The following SNTG1 variants were observed in gnomAD, a reference collection of about 807,000 sequenced individuals.
SNTG1 encodes the protein syntrophin gamma 1.
A neutral mutation model predicts 74.7 loss-of-function variants in SNTG1; 39 were observed. That is an observed-to-expected ratio of 0.52 (90% CI 0.40 to 0.68). SNTG1 has a LOEUF of 0.68. Among genes scored for constraint, SNTG1 ranks in the 30% least tolerant of loss-of-function variants. The pLI is 0.00. For missense variants in SNTG1, 685 were observed against 609.5 expected, an observed-to-expected ratio of 1.12 and a Z score of -1.30; for synonymous variants, 254 against 217.1, an observed-to-expected ratio of 1.17 and a Z score of -1.49.
At chr8:50,775,567 C>T (rs1343090669) in intron 18 of SNTG1, among the ~76,000 whole-genome samples, 1 of 151,570 alleles carries the variant, frequency 6.6e-6, no homozygotes, top group Non-Finnish European at 1.5e-5. Context: ...TCTACAGAAA[C>T]TTGCAAATAA....
At chr8:50,021,543 T>C (rs531418943) in intron 1 of SNTG1, among the ~76,000 whole-genome samples, 4 of 152,292 alleles carry the variant, frequency 2.6e-5, no homozygotes, top group African/African-American at 7.2e-5. Flanking sequence ...ATGAGAACTC[T>C]GGGAACTCTA....
intron 1 of SNTG1, among the ~76,000 whole-genome samples, chr8:49,940,929 A>G (rs1309001801): frequency 6.6e-6 from 1 of 152,186 alleles, no homozygotes; most frequent in Non-Finnish European, 1.5e-5. Context: ...TTCTAAGTTT[A>G]AAAAACTTTA....
At chr8:50,757,321 G>A (rs1228184823) in intron 18 of SNTG1, among the ~76,000 whole-genome samples, 1 of 151,716 alleles carries the variant, frequency 6.6e-6, no homozygotes, top group Non-Finnish European at 1.5e-5. Flanking sequence ...ATTTCTTCTT[G>A]AAGTTCTGTC....
At chr8:50,293,403 C>CTTTTTTTTTTTTTTTTT (rs11349774) in intron 2 of SNTG1, among the ~76,000 whole-genome samples, 3 of 135,648 alleles carry the variant, frequency 2.2e-5, no homozygotes, top group Non-Finnish European at 4.8e-5. Flanking sequence ...TAGTAGGCTT[C>CTTTTTTTTTTTTTTTTT]TTTTTTTTTT....
In SNTG1 at chr8:50,241,350, A is replaced by T. The variant is rs577852568; in HGVS notation, c.-28+68715A>T. Among the ~76,000 whole-genome samples, 79 of 152,328 alleles carry T rather than the reference A, an allele frequency of 5.2e-4. 1 individual carries two copies. In the South Asian group the frequency reaches 0.016, roughly 31 times the overall value. The stretch of plus-strand genomic sequence containing the variant: ...TGCCATCAGAGAGATACTTTGAGAA[A>T]GACAAGTTCAGACTGAATGTTACTA... On this transcript the variant is annotated intron_variant, in intron 2 of 18. Transcript: ENST00000642720.
intron 8 of SNTG1, among the ~76,000 whole-genome samples, chr8:50,469,601 G>T (rs762409433): frequency 8.5e-5 from 13 of 152,142 alleles, no homozygotes; most frequent in Admixed American, 2.0e-4. Flanking sequence ...TCACCTTAAG[G>T]CCTTTGTCCT....
At chr8:50,665,285 C>A (rs1281754221) in intron 15 of SNTG1, among the ~76,000 whole-genome samples, 3 of 151,830 alleles carry the variant, frequency 2.0e-5, no homozygotes, top group East Asian at 1.9e-4. Flanking sequence ...GAAATAGGAG[C>A]CTTATTTCTC....
At chr8:50,260,090 T>C (rs2087106423) in intron 2 of SNTG1, among the ~76,000 whole-genome samples, 1 of 152,132 alleles carries the variant, frequency 6.6e-6, no homozygotes. Flanking sequence ...TGTTTTGAAA[T>C]ACACCTGGGA....
chr8:50,227,911 AAAC>A (rs1471526483), intron 2 of SNTG1, among the ~76,000 whole-genome samples: 1 of 113,902 alleles, frequency 8.8e-6, no homozygotes, highest in African/African-American at 2.9e-5. Flanking sequence ...AAAATGACAT[AAAC>A]AACAACCAAA....
Position 50,792,820 on chromosome 8 carries a change from T to C in SNTG1, c.1545T>C (p.Tyr515=), listed in dbSNP as rs558513653. 95 of 1,611,596 alleles carry C rather than the reference T, an allele frequency of 5.9e-5. No homozygotes were observed. In the South Asian group the frequency reaches 9.8e-4, roughly 17 times the overall value. The stretch of plus-strand genomic sequence containing the variant: ...CTGCTACCACGAGCAAAGCAAAGTA[T>C]ACAACTTGACATACTGAACTCTTCA... The part of the protein sequence containing the change: ...ASSATTSKAK[Y]TT Residue 515 remains tyrosine, a synonymous_variant, in exon 19 of 19, where the codon TAT becomes TAC. Transcript: ENST00000642720.
chr8:50,298,403 G>A (rs1176862434), intron 2 of SNTG1, among the ~76,000 whole-genome samples: 1 of 152,090 alleles, frequency 6.6e-6, no homozygotes, highest in Non-Finnish European at 1.5e-5. Context: ...GCACTCTCAA[G>A]AAGAGTGAGG....
At chr8:50,391,931 A>G (rs926086623) in intron 2 of SNTG1, among the ~76,000 whole-genome samples, 3 of 152,140 alleles carry the variant, frequency 2.0e-5, no homozygotes, top group Non-Finnish European at 4.4e-5. Flanking sequence ...CAAATTCCTT[A>G]CCAGCATGCT....
intron 12 of SNTG1, among the ~76,000 whole-genome samples, chr8:50,577,797 G>A (rs1306345059): frequency 2.6e-5 from 4 of 152,108 alleles, no homozygotes; most frequent in Non-Finnish European, 1.5e-5. Context: ...CATTGACAAA[G>A]TAGAAAATGA....
intron 1 of SNTG1, among the ~76,000 whole-genome samples, chr8:49,967,755 G>GA (rs1206522242): frequency 6.6e-6 from 1 of 152,182 alleles, no homozygotes; most frequent in African/African-American, 2.4e-5. Context: ...TTAAAGCAGT[G>GA]AAAAGTTCCA....
chr8:50,172,357 C>T (rs952535673), intron 1 of SNTG1, among the ~76,000 whole-genome samples: 1 of 152,056 alleles, frequency 6.6e-6, no homozygotes, highest in Non-Finnish European at 1.5e-5. Context: ...GAAAATATTA[C>T]CTCATTTGGT....
chr8:50,453,414 T>A (rs965679320), intron 8 of SNTG1, among the ~76,000 whole-genome samples: 1 of 152,130 alleles, frequency 6.6e-6, no homozygotes, highest in African/African-American at 2.4e-5. Context: ...GCTGGAAGAT[T>A]GTTAAGGAAG....
intron 8 of SNTG1, among the ~76,000 whole-genome samples, chr8:50,483,060 A>C (rs943313422): frequency 6.6e-6 from 1 of 152,246 alleles, no homozygotes; most frequent in African/African-American, 2.4e-5. Flanking sequence ...GAAAGGTGAC[A>C]ATATTATAAT....
At chr8:50,756,710 C>T (rs1218143933) in intron 18 of SNTG1, among the ~76,000 whole-genome samples, 1 of 151,638 alleles carries the variant, frequency 6.6e-6, no homozygotes, top group Non-Finnish European at 1.5e-5. Context: ...GTTAATCCTT[C>T]AACTTTGATC....
At chr8:50,439,811 T>A in intron 5 of SNTG1, among the ~76,000 whole-genome samples, 1 of 138,772 alleles carries the variant, frequency 7.2e-6, no homozygotes, top group East Asian at 2.2e-4. Flanking sequence ...ATGAATAAAA[T>A]CCAATAGTGA....
Sources: allele counts gnomAD v4.1 joint callset (sites outside exome capture counted in the v4.1 genomes callset), GRCh38; gene constraint gnomAD v4.1.1; transcripts MANE v1.5; gene names NCBI Gene and HGNC (gene_info 2026-07-23, HGNC 2026-07-21).